The following PARD3B variants were observed in gnomAD, a reference collection of about 807,000 sequenced individuals.
PARD3B encodes the protein par-3 family cell polarity regulator beta.
Under a neutral mutation model 130.2 loss-of-function variants are expected in PARD3B, and 103 were observed. The observed-to-expected ratio is 0.79, with a 90% CI of 0.67 to 0.93. PARD3B has a LOEUF of 0.93. PARD3B is among the 40% of genes least tolerant of loss of function. PARD3B has a pLI of 0.00. For missense variants in PARD3B, 1,609 were observed against 1,499.2 expected (o/e 1.07, Z -1.21); for synonymous variants, 583 against 553.2 (o/e 1.05, Z -0.76).
intron 2 of PARD3B, among the ~76,000 whole-genome samples, chr2:204,785,237 T>C (rs1424867742): frequency 6.6e-6 from 1 of 152,196 alleles, no homozygotes; most frequent in Non-Finnish European, 1.5e-5. Context: ...CTTGTAATGC[T>C]CCTTTCATCA....
intron 3 of PARD3B, among the ~76,000 whole-genome samples, chr2:204,978,984 A>G (rs1458676951): frequency 2.0e-5 from 3 of 151,472 alleles, no homozygotes; most frequent in Non-Finnish European, 4.4e-5. Context: ...AAAAAAAAAA[A>G]AAGACAGTTT....
chr2:205,008,763 A>G (rs1695480783), intron 3 of PARD3B, among the ~76,000 whole-genome samples: 1 of 152,230 alleles, frequency 6.6e-6, no homozygotes, highest in African/African-American at 2.4e-5. Flanking sequence ...GTTTATGATA[A>G]TATTCTACAT....
At chr2:204,647,526 TAA>T (rs1442055589) in intron 1 of PARD3B, among the ~76,000 whole-genome samples, 6 of 151,816 alleles carry the variant, frequency 4.0e-5, no homozygotes, top group African/African-American at 1.4e-4. Context: ...GGATTCAGGT[TAA>T]GTTGTATGTA....
chr2:205,217,778 GTA>G lies in PARD3B; in HGVS notation c.2140+24466_2140+24467del, dbSNP rs201810162. On this transcript the variant is annotated intron_variant, in intron 15 of 22. Coordinates refer to ENST00000406610, the MANE Select transcript of PARD3B (RefSeq NM_001302769.2). ...TATATGTGTGTAGATAAGTATATATGTATATATATGTGTGCATGTATATATGT... is the reference window on the plus strand; with the variant it reads ...TATATGTGTGTAGATAAGTATATATGTATATATGTGTGCATGTATATATGT... Among the ~76,000 whole-genome samples the G allele has an allele frequency of 5.8e-3, 825 of 142,520 alleles. 11 individuals are homozygous for G. Among genetic ancestry groups the G allele is most frequent in the African/African-American group, 0.02 (778 of 38,458 alleles). 93.5% of individuals were successfully genotyped at this position (142,520 alleles called of 152,430 possible). A position where few individuals can be genotyped will look rare whatever the true frequency, so the allele number is the denominator to read the frequency against.
At chr2:205,048,161 A>G (rs1392394595) in intron 4 of PARD3B, 3 of 152,430 alleles carry the variant, frequency 2.0e-5, no homozygotes, top group African/African-American at 7.2e-5. Context: ...GGATATCATT[A>G]TATTTTTGTT....
intron 1 of PARD3B, among the ~76,000 whole-genome samples, chr2:204,569,478 A>G (rs1022188727): frequency 6.6e-6 from 1 of 152,208 alleles, no homozygotes; most frequent in African/African-American, 2.4e-5. Flanking sequence ...GGTGACAGAT[A>G]TCCATGTGGC....
At chr2:204,955,606 A>G (rs1312198439) in intron 2 of PARD3B, among the ~76,000 whole-genome samples, 1 of 152,214 alleles carries the variant, frequency 6.6e-6, no homozygotes, top group Non-Finnish European at 1.5e-5. Context: ...ACATACTTGC[A>G]GCTTGGAATA....
chr2:205,338,111 A>G (rs757949966), intron 18 of PARD3B, among the ~76,000 whole-genome samples: 2 of 148,038 alleles, frequency 1.4e-5, no homozygotes, highest in Non-Finnish European at 3.0e-5. Flanking sequence ...TGAGATTGCA[A>G]CAGTGCTCTC....
In PARD3B at chr2:205,183,549, G is replaced by T. The variant is rs537249184; in HGVS notation, c.1925-2215G>T. On this transcript the variant is annotated intron_variant, in intron 13 of 22. Transcript: ENST00000406610. This position sits in a 1 kb window ranked among gnomAD's most constrained non-coding sequence, Gnocchi z 5.2. ...GGTGGTGCAGGGGCACAGTGCAGGC[G>T]CTGCCTTTGTGCTTCTTTCCCCCTG... Among the ~76,000 whole-genome samples the T allele has an allele frequency of 6.6e-6, 1 of 152,102 alleles. No individual in the cohort carries two copies. Among genetic ancestry groups the T allele is most frequent in the South Asian group, 2.1e-4 (1 of 4,830 alleles).
intron 18 of PARD3B, among the ~76,000 whole-genome samples, chr2:205,319,917 G>T (rs866617287): frequency 6.6e-6 from 1 of 151,948 alleles, no homozygotes; most frequent in Non-Finnish European, 1.5e-5. Flanking sequence ...GGTGGCTCAC[G>T]CCTGTAATCC....
chr2:204,758,779 A>G (rs1200456066), intron 2 of PARD3B, among the ~76,000 whole-genome samples: 1 of 152,156 alleles, frequency 6.6e-6, no homozygotes, highest in Non-Finnish European at 1.5e-5. Flanking sequence ...CAAGCGTGGC[A>G]TTCTTTATGA....
intron 2 of PARD3B, among the ~76,000 whole-genome samples, chr2:204,777,729 A>G (rs1216865268): frequency 7.2e-5 from 11 of 152,134 alleles, no homozygotes. Context: ...TGATTGCACC[A>G]CTGAACTCCA....
chr2:205,404,740 C>G (rs1379415580), intron 19 of PARD3B, among the ~76,000 whole-genome samples: 2 of 152,090 alleles, frequency 1.3e-5, no homozygotes, highest in African/African-American at 4.8e-5. Flanking sequence ...GTCTCTAATT[C>G]CTGAGCTCAA....
Position 205,446,248 on chromosome 2 carries a change from A to C in PARD3B, c.3044+5576A>C, listed in dbSNP as rs994498619. 5.9e-5 allele frequency among the ~76,000 whole-genome samples: 9 copies of C among 151,952 alleles called. No individual in the cohort carries two copies. The highest frequency in any genetic ancestry group is 2.2e-4 in the African/African-American group (9 of 41,342). ...GAGAGGTTGGCCGGCCTTGACGAAG[A>C]GTTTGGACTCTATCCTGAGGGAGGT... On this transcript the variant is annotated intron_variant, in intron 20 of 22. Coordinates refer to ENST00000406610, the MANE Select transcript of PARD3B (RefSeq NM_001302769.2). This position sits in a 1 kb window ranked among gnomAD's most constrained non-coding sequence, Gnocchi z 4.4.
intron 22 of PARD3B, among the ~76,000 whole-genome samples, chr2:205,593,747 T>C (rs2054473906): frequency 6.6e-6 from 1 of 152,120 alleles, no homozygotes; most frequent in Non-Finnish European, 1.5e-5. Context: ...GGGGTAGAAA[T>C]GCCACAGTAT....
chr2:204,594,359 A>G (rs761418111), intron 1 of PARD3B, among the ~76,000 whole-genome samples: 2 of 152,242 alleles, frequency 1.3e-5, no homozygotes, highest in Admixed American at 6.5e-5. Flanking sequence ...CTTTCTCACA[A>G]TAATAGCAAA....
At chr2:205,499,810 G>A (rs907371860) in intron 20 of PARD3B, 86 bp from the exon 21 acceptor site, 20 of 1,339,992 alleles carry the variant, frequency 1.5e-5, no homozygotes, top group Non-Finnish European at 1.9e-5. Context: ...AAATTTAGAT[G>A]TCAACTCCTT....
intron 2 of PARD3B, among the ~76,000 whole-genome samples, chr2:204,879,842 A>G (rs1156261011): frequency 6.6e-6 from 1 of 152,196 alleles, no homozygotes; most frequent in East Asian, 1.9e-4. Flanking sequence ...TAGGTTTGCA[A>G]AGCCCGGATA....
At position 205,575,111 on chromosome 2, in the gene PARD3B, A is replaced by ACACACACG. The variant is rs1553550390; in HGVS notation, c.3260+21711_3260+21712insACACGCAC. ...CACACACACACACACACACACACAC[A>ACACACACG]CACGCGTACACTATATATAAAAATA... On this transcript the variant is annotated intron_variant, in intron 22 of 22. Coordinates refer to ENST00000406610, the MANE Select transcript of PARD3B (RefSeq NM_001302769.2). This position sits in a 1 kb window ranked among gnomAD's most constrained non-coding sequence, Gnocchi z 4.6. 6.8e-6 allele frequency among the ~76,000 whole-genome samples: 1 copy of ACACACACG among 147,166 alleles called. No individual in the cohort carries two copies. Among genetic ancestry groups the ACACACACG allele is most frequent in the South Asian group, 2.2e-4 (1 of 4,558 alleles).
Sources: allele counts gnomAD v4.1 joint callset (sites outside exome capture counted in the v4.1 genomes callset), GRCh38; gene constraint gnomAD v4.1.1; non-coding constraint Gnocchi (gnomAD v3.1); transcripts MANE v1.5; gene names NCBI Gene and HGNC (gene_info 2026-07-23, HGNC 2026-07-21).